The following GTF2H3 variants were observed in gnomAD, a reference collection of about 807,000 sequenced individuals.
The protein encoded by GTF2H3 is general transcription factor IIH subunit 3.
GTF2H3 carries 42 observed loss-of-function variants against 51.1 expected under a neutral mutation model. That is an observed-to-expected ratio of 0.82 (90% confidence interval 0.64 to 1.06). The LOEUF is 1.06. GTF2H3 is among the 50% of genes least tolerant of loss of function. The probability of loss-of-function intolerance (pLI) is 0.00; values close to 1 mark genes in which losing one functional copy is unlikely to be tolerated. For missense variants in GTF2H3, 326 were observed against 366.1 expected (o/e 0.89, Z 0.89); for synonymous variants, 123 against 123.8 (o/e 0.99, Z 0.04).
Position 123,659,879 on chromosome 12 carries a change from T to G in GTF2H3, c.769T>G (p.Cys257Gly). 3 of 1,614,184 alleles carry G rather than the reference T, an allele frequency of 1.9e-6. No individual in the cohort carries two copies. The highest frequency in any genetic ancestry group is 2.5e-6 in the Non-Finnish European group (3 of 1,180,000). The change falls in exon 11 of 13, where the codon TGT becomes GGT. Residue 257 changes from cysteine to glycine, a missense_variant. Cys to Gly is a radical substitution (Grantham distance 159). Coordinates refer to ENST00000543341, the MANE Select transcript of GTF2H3 (RefSeq NM_001516.5). ...TGTTGACTACAGGGCTGCTTGCTTCTGTCATCGAAATCTCATTGAAATTGG... is the reference window on the plus strand; with the variant it reads ...TGTTGACTACAGGGCTGCTTGCTTCGGTCATCGAAATCTCATTGAAATTGG... ...VHVDYRAACF[C>G]HRNLIEIGYV...
Position 123,652,699 on chromosome 12 carries a change from C to A in GTF2H3, c.458-8C>A. On this transcript the variant is annotated splice_polypyrimidine_tract_variant and splice_region_variant and intron_variant, in intron 6 of 12. Transcript: ENST00000543341. ...GTTAAATTTTTTTCTGCTTTTTTCTCTTTGTAGACAATCAGGAAATGAAAT... is the reference window on the plus strand; with the variant it reads ...GTTAAATTTTTTTCTGCTTTTTTCTATTTGTAGACAATCAGGAAATGAAAT... The A allele has an allele frequency of 6.5e-7, 1 of 1,528,174 alleles. No homozygotes were observed. Among genetic ancestry groups the A allele is most frequent in the South Asian group, 1.2e-5 (1 of 82,706 alleles). The allele number at this position is 1,528,174 out of a possible 1,614,324, so 94.7% of individuals were successfully genotyped here.
At chr12:123,638,506 C>T (rs1378007152) in intron 1 of GTF2H3, among the ~76,000 whole-genome samples, 1 of 151,800 alleles carries the variant, frequency 6.6e-6, no homozygotes, top group Non-Finnish European at 1.5e-5. Flanking sequence ...AAAGGTTTTG[C>T]GATATTGCCC....
intron 9 of GTF2H3, among the ~76,000 whole-genome samples, chr12:123,657,611 T>C (rs1189149583): frequency 6.6e-6 from 1 of 152,242 alleles, no homozygotes; most frequent in Non-Finnish European, 1.5e-5. Context: ...TTTATTTTTC[T>C]TCATAGAAAT....
At position 123,648,550 on chromosome 12, in the gene GTF2H3, C is replaced by T. The variant is rs145575350; in HGVS notation, c.364+424C>T. On this transcript the variant is annotated intron_variant, in intron 4 of 12. Coordinates refer to ENST00000543341, the MANE Select transcript of GTF2H3 (RefSeq NM_001516.5). ...ACACTTTCCAACTTTGTTTCTAACCCAGACTTTCTTTCATGCTCAAATGCC... is the reference window on the plus strand; with the variant it reads ...ACACTTTCCAACTTTGTTTCTAACCTAGACTTTCTTTCATGCTCAAATGCC... Among the ~76,000 whole-genome samples, 75 of 152,218 alleles carry T rather than the reference C, an allele frequency of 4.9e-4. No individual in the cohort carries two copies. In the South Asian group the frequency reaches 5.8e-3, roughly 12 times the overall value.
chr12:123,647,775 T>G (rs915600200), intron 3 of GTF2H3, among the ~76,000 whole-genome samples, 188 bp from the exon 4 acceptor site: 3 of 152,224 alleles, frequency 2.0e-5, no homozygotes, highest in Admixed American at 1.3e-4. Flanking sequence ...CATTTTTTCT[T>G]TGTTTTTATA....
intron 1 of GTF2H3, 131 bp from the exon 2 acceptor site, chr12:123,639,133 T>C: frequency 1.7e-6 from 1 of 576,196 alleles, no homozygotes; most frequent in Non-Finnish European, 3.1e-6. Flanking sequence ...GTTAATCTCA[T>C]AATTATAAGG....
chr12:123,637,264 G>A (rs1177259616), intron 1 of GTF2H3, among the ~76,000 whole-genome samples: 1 of 151,952 alleles, frequency 6.6e-6, no homozygotes, highest in Non-Finnish European at 1.5e-5. Flanking sequence ...ATGTGTTTGG[G>A]GTGGTGCGTG....
chr12:123,662,250 T>C lies in GTF2H3; in HGVS notation c.*2015T>C, dbSNP rs897228924. The C allele has an allele frequency of 1.3e-5, 2 of 152,172 alleles. No homozygotes were observed. The highest frequency in any genetic ancestry group is 3.8e-4 in the East Asian group (2 of 5,208). The allele number at this position is 152,172 out of a possible 1,614,324, so 9.4% of individuals were successfully genotyped here. A position where few individuals can be genotyped will look rare whatever the true frequency, so the allele number is the denominator to read the frequency against. Reference sequence around the variant, plus strand: ...ACAAGCTGAGTCATATTTAAATAATTTGATGTTGGCTTAGATAATTTCAGA... The same window carrying C: ...ACAAGCTGAGTCATATTTAAATAATCTGATGTTGGCTTAGATAATTTCAGA... On this transcript the variant is annotated 3_prime_UTR_variant, in exon 13 of 13. Transcript: ENST00000543341.
intron 2 of GTF2H3, among the ~76,000 whole-genome samples, chr12:123,644,664 C>CA (rs1252301848): frequency 1.3e-3 from 148 of 116,236 alleles, no homozygotes; most frequent in South Asian, 2.4e-3. Flanking sequence ...GACTCCATCT[C>CA]AAAAAAAAAA....
intron 7 of GTF2H3, among the ~76,000 whole-genome samples, chr12:123,654,283 A>G (rs1955556962): frequency 1.2e-5 from 1 of 82,670 alleles, no homozygotes; most frequent in African/African-American, 5.2e-5. Context: ...TTTGGGGGGT[A>G]TGTTTTGGAT....
At chr12:123,646,966 A>G (rs1268026705) in intron 3 of GTF2H3, among the ~76,000 whole-genome samples, 1 of 151,836 alleles carries the variant, frequency 6.6e-6, no homozygotes, top group South Asian at 2.1e-4. Context: ...CCTGGCTAAC[A>G]TGGTGAAACC....
At chr12:123,654,369 G>T (rs957276648) in intron 7 of GTF2H3, among the ~76,000 whole-genome samples, 6 of 151,496 alleles carry the variant, frequency 4.0e-5, no homozygotes, top group African/African-American at 1.5e-4. Flanking sequence ...TGTACTTTTG[G>T]GGTACGTGTA....
At chr12:123,649,925 TG>T in intron 4 of GTF2H3, 1 of 152,352 alleles carries the variant, frequency 6.6e-6, no homozygotes, top group Non-Finnish European at 1.5e-5. Context: ...AAAAATCAGC[TG>T]GAAGGCTTGT....
chr12:123,645,156 G>T (rs552277582), intron 2 of GTF2H3, among the ~76,000 whole-genome samples: 1 of 152,140 alleles, frequency 6.6e-6, no homozygotes, highest in Admixed American at 6.6e-5. Flanking sequence ...CTGCAGCCTG[G>T]CTCTCCAGGG....
intron 8 of GTF2H3, 60 bp from the exon 9 acceptor site, chr12:123,655,711 C>A: frequency 2.1e-6 from 2 of 971,422 alleles, no homozygotes; most frequent in Non-Finnish European, 3.3e-6. Context: ...AGTAGGTTCT[C>A]AGTATAGGGT....
chr12:123,639,517 T>A (rs1161651387), intron 2 of GTF2H3, among the ~76,000 whole-genome samples, 174 bp downstream of exon 2: 1 of 152,186 alleles, frequency 6.6e-6, no homozygotes, highest in Non-Finnish European at 1.5e-5. Context: ...AGCCCCACAT[T>A]TCTGCTTTAG....
chr12:123,640,813 A>G (rs1593795451), intron 2 of GTF2H3, among the ~76,000 whole-genome samples: 1 of 152,228 alleles, frequency 6.6e-6, no homozygotes, highest in African/African-American at 2.4e-5. Flanking sequence ...TTGCATTACA[A>G]AAGCAGAGGT....
At position 123,639,268 on chromosome 12, in the gene GTF2H3, T is replaced by C; in HGVS notation, c.18T>C (p.Asp6=). 1 of 1,476,954 alleles carries C rather than the reference T, an allele frequency of 6.8e-7. No homozygotes were observed. The highest frequency in any genetic ancestry group is 2.3e-5 in the East Asian group (1 of 44,312). 91.5% of individuals were successfully genotyped at this position (1,476,954 alleles called of 1,614,324 possible). Residue 6 remains aspartate (D), a synonymous_variant, in exon 2 of 13, where the codon GAT becomes GAC. Transcript: ENST00000543341. MVSDE[D]ELNLLVIVVD... Reference sequence around the variant, plus strand: ...ATTTCTTGTTAATATTTTCAGAAGATGAATTGAATCTTCTGGTTATTGTAG... The same window carrying C: ...ATTTCTTGTTAATATTTTCAGAAGACGAATTGAATCTTCTGGTTATTGTAG...
chr12:123,659,795 TGG>T lies in GTF2H3; in HGVS notation c.687_688del (p.Trp229CysfsTer21), dbSNP rs1218623123. Reference protein sequence around the residue: ...QMPSLLQYLLWVFLPDQDQRS... With the variant: ...QMPSLLQYLLXVFLPDQDQRS... ...TTTCTTTTGTTTGTTTGTTTTACAG[TGG>T]GTGTTTCTTCCCGATCAAGATCAGA... On this transcript the variant is annotated frameshift_variant and splice_region_variant, in exon 11 of 13. Transcript: ENST00000543341. LOFTEE classifies it high-confidence loss of function. 1.9e-6 allele frequency: 3 copies of T among 1,610,110 alleles called. No homozygotes were observed. The South Asian group carries it at 3.3e-5, about 18-fold the overall frequency.
Sources: allele counts gnomAD v4.1 joint callset (sites outside exome capture counted in the v4.1 genomes callset), GRCh38; gene constraint gnomAD v4.1.1; transcripts MANE v1.5; gene names NCBI Gene and HGNC (gene_info 2026-07-23, HGNC 2026-07-21).